SPATS1: variants seen among roughly 807,000 people sequenced by gnomAD.
The protein encoded by SPATS1 is spermatogenesis-associated serine-rich protein 1.
In SPATS1, 23 loss-of-function variants were observed where a neutral mutation model predicts 33.6. That is an observed-to-expected ratio of 0.68 (90% CI 0.49 to 0.97). The LOEUF (loss-of-function observed/expected upper bound fraction) is 0.97. Among genes scored for constraint, SPATS1 ranks in the 50% least tolerant of loss-of-function variants. The pLI, the probability that SPATS1 is intolerant of heterozygous loss-of-function variation, is 0.00. For missense variants in SPATS1, 327 were observed against 361.0 expected, an observed-to-expected ratio of 0.91 and a Z score of 0.76; for synonymous variants, 131 against 125.6, an observed-to-expected ratio of 1.04 and a Z score of -0.29.
chr6:44,366,171 C>A (rs928030821), intron 5 of SPATS1, among the ~76,000 whole-genome samples: 8 of 150,250 alleles, frequency 5.3e-5, no homozygotes, highest in African/African-American at 2.0e-4. Flanking sequence ...GTTGCCCAGG[C>A]TGGAGTGCAA....
chr6:44,342,760 G>A lies in SPATS1; in HGVS notation c.-9G>A. 1 of 491,106 alleles carries A rather than the reference G, an allele frequency of 2.0e-6. No homozygotes were observed. The highest frequency in any genetic ancestry group is 4.0e-6 in the Non-Finnish European group (1 of 252,954). The allele number at this position is 491,106 out of a possible 1,614,324, so 30.4% of individuals were successfully genotyped here. A position where few individuals can be genotyped will look rare whatever the true frequency, so the allele number is the denominator to read the frequency against. On this transcript the variant is annotated 5_prime_UTR_variant, in exon 1 of 9. Coordinates refer to ENST00000674044, the MANE Select transcript of SPATS1 (RefSeq NM_001372081.1). ...GCGTTCGGCAGTTCAGTTGCCAGTT[G>A]GTTCGTTGGTCCGTGGAGGCCTCTG...
rs1554154401 is a variant in SPATS1, at chr6:44,370,982, T to TG, written c.758+869_758+870insG. Among the ~76,000 whole-genome samples, 4 of 151,588 alleles carry TG rather than the reference T, an allele frequency of 2.6e-5. No homozygotes were observed. The East Asian group carries it at 7.8e-4, about 29-fold the overall frequency. Reference sequence around the variant, plus strand: ...TCTGGTTTTCCTAAAAAGAAAGGTTTTTTTTTTTTTTTTCTTGAAGTACAA... The same window carrying TG: ...TCTGGTTTTCCTAAAAAGAAAGGTTTGTTTTTTTTTTTTTCTTGAAGTACAA... On this transcript the variant is annotated intron_variant, in intron 7 of 8. Transcript: ENST00000674044.
intron 3 of SPATS1, among the ~76,000 whole-genome samples, chr6:44,354,333 C>A (rs898145224): frequency 3.3e-5 from 4 of 119,690 alleles, no homozygotes; most frequent in African/African-American, 7.1e-5. Context: ...GAACTTGTGT[C>A]AAAATAAATA....
intron 7 of SPATS1, among the ~76,000 whole-genome samples, chr6:44,374,673 T>C (rs1279976375): frequency 6.6e-6 from 1 of 152,260 alleles, no homozygotes; most frequent in African/African-American, 2.4e-5. Context: ...TTATTAGGTG[T>C]ACTGTATTAC....
chr6:44,362,775 G>A (rs956655206), intron 5 of SPATS1, among the ~76,000 whole-genome samples: 4 of 151,954 alleles, frequency 2.6e-5, no homozygotes, highest in Non-Finnish European at 4.4e-5. Flanking sequence ...TACGTAGAAA[G>A]CCATACTAAA....
Position 44,368,506 on chromosome 6 carries a change from G to GT in SPATS1, c.695+8dup, listed in dbSNP as rs1198595831. On this transcript the variant is annotated splice_region_variant and intron_variant, in intron 6 of 8. Transcript: ENST00000674044. ...CACCAGTGAATTTTTCAATGTAAGTGTATGTTAATACTAGCATTATATAGT... is the reference window on the plus strand; with the variant it reads ...CACCAGTGAATTTTTCAATGTAAGTGTTATGTTAATACTAGCATTATATAGT... The GT allele has an allele frequency of 4.3e-6, 7 of 1,609,564 alleles. No individual in the cohort carries two copies. The African/African-American group carries it at 9.3e-5, about 21-fold the overall frequency.
At chr6:44,353,376 C>A (rs1788358380) in intron 3 of SPATS1, among the ~76,000 whole-genome samples, 1 of 151,986 alleles carries the variant, frequency 6.6e-6, no homozygotes, top group Non-Finnish European at 1.5e-5. Context: ...GAAGGACTGG[C>A]AATGTTTTGT....
chr6:44,352,362 C>G (rs1248027374), intron 2 of SPATS1, among the ~76,000 whole-genome samples: 1 of 152,066 alleles, frequency 6.6e-6, no homozygotes, highest in Non-Finnish European at 1.5e-5. Context: ...CTCCTGACCT[C>G]AAGTCAGGGT....
rs377656613 is a variant in SPATS1 at position 44,368,318 on chromosome 6, C to T, written c.575-61C>T. The T allele has an allele frequency of 3.2e-6, 5 of 1,561,230 alleles. No homozygotes were observed. The East Asian group carries it at 1.1e-4, about 35-fold the overall frequency. ...CTTTCCATTGTCATGCCAATACTTA[C>T]AGCAAATCTGTGGATCATCTTCAGC... On this transcript the variant is annotated intron_variant, in intron 5 of 8. Transcript: ENST00000674044.
At chr6:44,369,060 G>C (rs9472267) in intron 6 of SPATS1, among the ~76,000 whole-genome samples, 4,880 of 152,022 alleles carry the variant, frequency 0.032, 244 homozygotes, top group African/African-American at 0.11. Context: ...CCACACCTGG[G>C]TAATTTTTTG....
chr6:44,363,516 C>A (rs1039935542), intron 5 of SPATS1, among the ~76,000 whole-genome samples: 1 of 152,194 alleles, frequency 6.6e-6, no homozygotes, highest in Non-Finnish European at 1.5e-5. Flanking sequence ...AAATCTCAAT[C>A]TTGACTTATC....
intron 6 of SPATS1, 73 bp downstream of exon 6, chr6:44,368,572 A>G (rs1789387964): frequency 7.0e-7 from 1 of 1,419,600 alleles, no homozygotes; most frequent in Admixed American, 2.1e-5. Context: ...CACAGAAATT[A>G]TATTTTAAAA....
In SPATS1 at chr6:44,350,339, G is replaced by A. The variant is rs1364035812; in HGVS notation, c.140-2387G>A. Among the ~76,000 whole-genome samples the A allele has an allele frequency of 2.0e-5, 3 of 152,218 alleles. No homozygotes were observed. The East Asian group carries it at 5.8e-4, about 29-fold the overall frequency. On this transcript the variant is annotated intron_variant, in intron 2 of 8. Coordinates refer to ENST00000674044, the MANE Select transcript of SPATS1 (RefSeq NM_001372081.1). ...CAGTGATGGAACTAGACTTCAAGAA[G>A]GAGATTACTGCCAAACGTGAGCCTA...
At chr6:44,344,427 T>G (rs969584387) in intron 2 of SPATS1, among the ~76,000 whole-genome samples, 13 of 129,820 alleles carry the variant, frequency 1.0e-4, no homozygotes, top group African/African-American at 3.1e-5. Flanking sequence ...GTGTGTGCAT[T>G]TTTCCATCAG....
rs55976441 is a variant in SPATS1 at position 44,379,599 on chromosome 6, C to CAAAAAAAAAAAAAAAAA, written c.*2548_*2564dup. The stretch of plus-strand genomic sequence containing the variant: ...TGGGCAACAGAGTGAGACTCTGTCT[C>CAAAAAAAAAAAAAAAAA]AAAAAAAAAAAAAAAAAAAAAAAAA... On this transcript the variant is annotated 3_prime_UTR_variant, in exon 9 of 9. Transcript: ENST00000674044. Among the ~76,000 whole-genome samples the CAAAAAAAAAAAAAAAAA allele has an allele frequency of 5.5e-5, 3 of 54,742 alleles. No homozygotes were observed. The highest frequency in any genetic ancestry group is 3.0e-4 in the Admixed American group (1 of 3,308). 35.9% of individuals were successfully genotyped at this position (54,742 alleles called of 152,430 possible). A position where few individuals can be genotyped will look rare whatever the true frequency, so the allele number is the denominator to read the frequency against.
chr6:44,374,038 G>A (rs1789784424), intron 7 of SPATS1, among the ~76,000 whole-genome samples: 1 of 152,214 alleles, frequency 6.6e-6, no homozygotes, highest in African/African-American at 2.4e-5. Flanking sequence ...GGGAAGTTGA[G>A]GACATGTTGC....
chr6:44,348,759 A>C (rs1788055535), intron 2 of SPATS1, among the ~76,000 whole-genome samples: 2 of 152,156 alleles, frequency 1.3e-5, no homozygotes, highest in South Asian at 4.1e-4. Context: ...CAAGGCAGGC[A>C]GATCATGAGG....
At chr6:44,357,327 T>A (rs890376548) in intron 3 of SPATS1, among the ~76,000 whole-genome samples, 1 of 152,178 alleles carries the variant, frequency 6.6e-6, no homozygotes, top group Non-Finnish European at 1.5e-5. Flanking sequence ...GTCTATGCTA[T>A]TCTCCTTTTT....
intron 3 of SPATS1, among the ~76,000 whole-genome samples, chr6:44,357,147 C>T (rs1788638199): frequency 6.6e-6 from 1 of 152,140 alleles, no homozygotes; most frequent in South Asian, 2.1e-4. Flanking sequence ...CCACCTTTAT[C>T]TCAAAAACTC....
Sources: gnomAD v4.1 joint callset for allele counts (sites outside exome capture counted in the v4.1 genomes callset) on GRCh38, gnomAD v4.1.1 for gene constraint, MANE v1.5 for transcripts, NCBI Gene and HGNC (gene_info 2026-07-23, HGNC 2026-07-21) for gene names.